RNF180: variants seen among roughly 807,000 people sequenced by gnomAD.
The protein encoded by RNF180 is E3 ubiquitin-protein ligase RNF180.
A neutral mutation model predicts 59.2 loss-of-function variants in RNF180; 38 were observed. The ratio of observed to expected loss-of-function variants is 0.64; its 90% CI spans 0.50 to 0.84. RNF180 has a LOEUF of 0.84. Among genes scored for constraint, RNF180 ranks in the 40% least tolerant of loss-of-function variants. The pLI is 0.00. For synonymous variants in RNF180, 262 were observed against 240.3 expected (o/e 1.09, Z -0.84); for missense variants, 705 against 700.9 (o/e 1.01, Z -0.07).
chr5:64,335,912 G>T (rs1193881500), intron 7 of RNF180, among the ~76,000 whole-genome samples: 1 of 152,090 alleles, frequency 6.6e-6, no homozygotes, highest in Non-Finnish European at 1.5e-5. Flanking sequence ...CTCTTCATTT[G>T]TTTAGATCTC....
At chr5:64,306,827 G>A (rs1355670740) in intron 5 of RNF180, among the ~76,000 whole-genome samples, 7 of 151,270 alleles carry the variant, frequency 4.6e-5, no homozygotes, top group Non-Finnish European at 1.0e-4. Flanking sequence ...ACTGTTGTGG[G>A]GTGGGGGGAG....
chr5:64,277,726 A>G (rs1202433658), intron 5 of RNF180, among the ~76,000 whole-genome samples: 3 of 152,150 alleles, frequency 2.0e-5, no homozygotes, highest in Non-Finnish European at 4.4e-5. Context: ...GATGACTGAC[A>G]CAAATGGAAA....
intron 5 of RNF180, among the ~76,000 whole-genome samples, chr5:64,282,749 T>C (rs890413124): frequency 6.6e-6 from 1 of 152,218 alleles, no homozygotes; most frequent in Non-Finnish European, 1.5e-5. Flanking sequence ...CTCATTTGTT[T>C]TAAATAATTT....
At position 64,214,470 on chromosome 5, in the gene RNF180, A is replaced by C; in HGVS notation, c.1144A>C (p.Asn382His). 1 of 1,613,978 alleles carries C rather than the reference A, an allele frequency of 6.2e-7. No homozygotes were observed. Among genetic ancestry groups the C allele is most frequent in the Non-Finnish European group, 8.5e-7 (1 of 1,179,866 alleles). Residue 382 changes from asparagine to histidine, a missense_variant, in exon 4 of 8, where the codon AAT becomes CAT. By Grantham distance (68) the Asn-to-His change is moderately conservative (BLOSUM62 1). Transcript: ENST00000389100. ...TAAGAGAGAAAGGAGCAAGTTGAAGAATCTAAGAAGGAAACAACGAAGGCG... is the reference window on the plus strand; with the variant it reads ...TAAGAGAGAAAGGAGCAAGTTGAAGCATCTAAGAAGGAAACAACGAAGGCG... The part of the protein sequence containing the change: ...LNKRERSKLK[N>H]LRRKQRRRER...
intron 5 of RNF180, among the ~76,000 whole-genome samples, chr5:64,267,486 A>G (rs60229867): frequency 5.6e-4 from 85 of 151,926 alleles, no homozygotes; most frequent in African/African-American, 1.6e-3. Context: ...ATATCTCCCA[A>G]TGCTATCCCT....
intron 5 of RNF180, among the ~76,000 whole-genome samples, chr5:64,305,887 A>G (rs748453085): frequency 3.3e-5 from 5 of 151,556 alleles, no homozygotes; most frequent in Admixed American, 6.6e-5. Context: ...GACCAAGGTA[A>G]AAGTGTCATG....
At chr5:64,265,704 G>C (rs1041097369) in intron 5 of RNF180, among the ~76,000 whole-genome samples, 1 of 152,026 alleles carries the variant, frequency 6.6e-6, no homozygotes, top group Admixed American at 6.6e-5. Context: ...TGTCTTGCTA[G>C]ACAGGCTCTT....
rs73761480 is a variant in RNF180 at position 64,301,792 on chromosome 5, A to T, written c.1228-23394A>T. On this transcript the variant is annotated intron_variant, in intron 5 of 7. Coordinates refer to ENST00000389100, the MANE Select transcript of RNF180 (RefSeq NM_001113561.2). The stretch of plus-strand genomic sequence containing the variant: ...AAAGTCATGGGAGCACCAAATGATG[A>T]CTCTTAAACCTTCTGTTTAGGAATG... Among the ~76,000 whole-genome samples, 488 of 151,132 alleles carry T rather than the reference A, an allele frequency of 3.2e-3. 2 individuals are homozygous for T. Among genetic ancestry groups the T allele is most frequent in the African/African-American group, 0.012 (475 of 41,198 alleles).
intron 5 of RNF180, among the ~76,000 whole-genome samples, chr5:64,233,330 G>C (rs1742208267): frequency 6.6e-6 from 1 of 152,148 alleles, no homozygotes; most frequent in Non-Finnish European, 1.5e-5. Context: ...TGGCAAACAG[G>C]ACTGTCTAGA....
chr5:64,369,792 G>C lies in RNF180; in HGVS notation c.1757G>C (p.Cys586Ser). The C allele has an allele frequency of 2.0e-6, 3 of 1,515,982 alleles. No individual in the cohort carries two copies. The highest frequency in any genetic ancestry group is 1.8e-6 in the Non-Finnish European group (2 of 1,132,736). The allele number at this position is 1,515,982 out of a possible 1,614,324, so 93.9% of individuals were successfully genotyped here. A position where few individuals can be genotyped will look rare whatever the true frequency, so the allele number is the denominator to read the frequency against. The stretch of plus-strand genomic sequence containing the variant: ...GGATTCATTGTTTTCTGCTTTCTTT[G>C]CTATTTTTTCTTTCCGTTTTAGGAA... ...VIGFIVFCFLCYFFFPF is the reference protein window; with the variant it reads ...VIGFIVFCFLSYFFFPF Residue 586 changes from cysteine to serine, a missense_variant, in exon 8 of 8, where the codon TGC (cysteine) becomes TCC (serine). Coordinates refer to ENST00000389100, the MANE Select transcript of RNF180 (RefSeq NM_001113561.2).
chr5:64,294,987 T>C (rs1461204568), intron 5 of RNF180, among the ~76,000 whole-genome samples: 1 of 152,194 alleles, frequency 6.6e-6, no homozygotes, highest in Non-Finnish European at 1.5e-5. Context: ...TAATCACAGA[T>C]TAATCTCACT....
rs1744654535 is a variant in RNF180, at chr5:64,326,586, T to C, written c.1453+1175T>C. Among the ~76,000 whole-genome samples, 3 of 152,138 alleles carry C rather than the reference T, an allele frequency of 2.0e-5. No individual in the cohort carries two copies. The South Asian group carries it at 6.2e-4, about 31-fold the overall frequency. On this transcript the variant is annotated intron_variant, in intron 6 of 7. Transcript: ENST00000389100. ...CTTTTAACAGTTCACTAGGAAAAGA[T>C]GAAAATAAGATTCAAATTTACTTTG... is the stretch of plus-strand genomic sequence containing the variant.
intron 5 of RNF180, among the ~76,000 whole-genome samples, chr5:64,251,165 C>T (rs1336137720): frequency 6.6e-6 from 1 of 152,052 alleles, no homozygotes; most frequent in Admixed American, 6.6e-5. Flanking sequence ...GATAATAGCT[C>T]AACAAATTAG....
chr5:64,323,998 G>T (rs1269102013), intron 5 of RNF180, among the ~76,000 whole-genome samples: 1 of 152,076 alleles, frequency 6.6e-6, no homozygotes, highest in Non-Finnish European at 1.5e-5. Context: ...AGCAAAGACC[G>T]CAATTACTTT....
intron 5 of RNF180, among the ~76,000 whole-genome samples, chr5:64,317,410 A>G (rs1744099164): frequency 2.0e-5 from 3 of 152,090 alleles, no homozygotes; most frequent in Admixed American, 1.3e-4. Flanking sequence ...AGCACATGCT[A>G]TTAGGAGAAG....
intron 7 of RNF180, among the ~76,000 whole-genome samples, chr5:64,360,705 C>A (rs901047471): frequency 6.6e-6 from 1 of 151,708 alleles, no homozygotes; most frequent in Non-Finnish European, 1.5e-5. Context: ...TTACCCTATT[C>A]GTAAGCTAAC....
intron 1 of RNF180, among the ~76,000 whole-genome samples, chr5:64,178,306 G>A (rs1036055407): frequency 3.3e-5 from 5 of 151,802 alleles, no homozygotes; most frequent in Middle Eastern, 3.5e-3. Context: ...CCAGCCTCAC[G>A]CTTTTCCAGT....
intron 5 of RNF180, among the ~76,000 whole-genome samples, chr5:64,318,369 C>T (rs2112501001): frequency 6.6e-6 from 1 of 152,150 alleles, no homozygotes; most frequent in African/African-American, 2.4e-5. Flanking sequence ...ATATACTGAA[C>T]AAAGAAATGA....
intron 5 of RNF180, among the ~76,000 whole-genome samples, chr5:64,246,764 G>A (rs1307910454): frequency 2.6e-5 from 4 of 152,126 alleles, no homozygotes; most frequent in Non-Finnish European, 5.9e-5. Flanking sequence ...CATTTTATGG[G>A]GCCAGCATAA....
Sources: allele counts gnomAD v4.1 joint callset (sites outside exome capture counted in the v4.1 genomes callset), GRCh38; gene constraint gnomAD v4.1.1; transcripts MANE v1.5; gene names NCBI Gene and HGNC (gene_info 2026-07-23, HGNC 2026-07-21).